RBM26: variants seen among roughly 807,000 people sequenced by gnomAD.
RBM26 encodes the protein RNA-binding protein 26.
Under a neutral mutation model 123.6 loss-of-function variants are expected in RBM26, and 30 were observed. The ratio of observed to expected loss-of-function variants is 0.24; its 90% CI spans 0.18 to 0.33. The LOEUF (loss-of-function observed/expected upper bound fraction) is 0.33, where lower values mean the gene tolerates loss of function less well. RBM26 is among the 10% of genes least tolerant of loss of function. The pLI, the probability that RBM26 is intolerant of heterozygous loss-of-function variation, is 1.00. For missense variants in RBM26, 947 were observed against 1,203.6 expected (o/e 0.79, Z 3.15); for synonymous variants, 400 against 404.4 (o/e 0.99, Z 0.13).
intron 9 of RBM26, among the ~76,000 whole-genome samples, chr13:79,365,300 C>G (rs1035110742): frequency 6.6e-5 from 10 of 152,076 alleles, no homozygotes; most frequent in African/African-American, 2.2e-4. Flanking sequence ...CAAAAACTAG[C>G]TGGGCATGGT....
intron 3 of RBM26, among the ~76,000 whole-genome samples, chr13:79,373,559 TATATATTTATATA>T (rs1566509519): frequency 7.3e-5 from 8 of 108,864 alleles, no homozygotes; most frequent in African/African-American, 3.0e-4. Context: ...TATATTACTA[TATATATTTATATA>T]ATATATTTAT....
At chr13:79,371,809 G>T in intron 4 of RBM26, 33 bp downstream of exon 4, 1 of 1,412,058 alleles carries the variant, frequency 7.1e-7, no homozygotes, top group Non-Finnish European at 1.0e-6. Flanking sequence ...AACTTACATC[G>T]AAACACTGAG....
intron 12 of RBM26, 65 bp from the exon 13 acceptor site, chr13:79,354,635 T>C: frequency 1.4e-6 from 2 of 1,419,296 alleles, no homozygotes; most frequent in Non-Finnish European, 1.9e-6. Context: ...TGACCTGTGT[T>C]ATTTTGTTAC....
chr13:79,334,054 C>T (rs139467471), intron 20 of RBM26, among the ~76,000 whole-genome samples: 23 of 152,188 alleles, frequency 1.5e-4, no homozygotes, highest in South Asian at 6.2e-4. Context: ...AGTGGAGTGG[C>T]CCTATCTACT....
intron 3 of RBM26, among the ~76,000 whole-genome samples, chr13:79,373,614 ATATAT>A (rs2076343725): frequency 1.8e-5 from 2 of 110,044 alleles, no homozygotes; most frequent in South Asian, 5.0e-4. Flanking sequence ...TAGTATATTT[ATATAT>A]TATATATTAC....
intron 9 of RBM26, among the ~76,000 whole-genome samples, chr13:79,359,925 G>A (rs2074477430): frequency 1.3e-5 from 2 of 151,900 alleles, no homozygotes; most frequent in South Asian, 4.2e-4. Context: ...GAAAACTACA[G>A]AAATAGTAAA....
chr13:79,340,161 C>CTT (rs58615322), intron 18 of RBM26, among the ~76,000 whole-genome samples: 1 of 150,682 alleles, frequency 6.6e-6, no homozygotes, highest in Non-Finnish European at 1.5e-5. Flanking sequence ...ATTTTTCAAA[C>CTT]TTTTTTTTTT....
intron 16 of RBM26, 41 bp downstream of exon 16, chr13:79,344,207 T>C (rs745924826): frequency 1.1e-5 from 14 of 1,246,196 alleles, no homozygotes; most frequent in East Asian, 4.6e-5. Flanking sequence ...CTCCAAATTA[T>C]AACATTTGCA....
chr13:79,327,025 G>A (rs2068530981), intron 20 of RBM26, among the ~76,000 whole-genome samples: 1 of 151,928 alleles, frequency 6.6e-6, no homozygotes, highest in South Asian at 2.1e-4. Context: ...CCTGGGCGTA[G>A]TGACAGAAAC....
At chr13:79,384,052 A>G (rs1056194314) in intron 1 of RBM26, among the ~76,000 whole-genome samples, 1 of 152,172 alleles carries the variant, frequency 6.6e-6, no homozygotes, top group Non-Finnish European at 1.5e-5. Context: ...GAAATGGAGC[A>G]AAGTGAGCAT....
intron 1 of RBM26, among the ~76,000 whole-genome samples, chr13:79,385,071 C>T (rs1048985216): frequency 1.3e-5 from 2 of 152,062 alleles, no homozygotes; most frequent in Admixed American, 6.6e-5. Context: ...CTTTAGAACA[C>T]GGATATGCAC....
chr13:79,352,729 C>A (rs150698960), intron 14 of RBM26, among the ~76,000 whole-genome samples: 2 of 152,024 alleles, frequency 1.3e-5, no homozygotes, highest in East Asian at 3.9e-4. Flanking sequence ...CACCATTTTA[C>A]CGATGAGTAA....
At chr13:79,346,772 A>G (rs566782664) in intron 14 of RBM26, among the ~76,000 whole-genome samples, 1 of 152,338 alleles carries the variant, frequency 6.6e-6, no homozygotes, top group East Asian at 1.9e-4. Flanking sequence ...ACAGCACAAA[A>G]TGCCAAACCA....
At chr13:79,368,273 A>T (rs1179796846) in intron 6 of RBM26, among the ~76,000 whole-genome samples, 3 of 152,106 alleles carry the variant, frequency 2.0e-5, no homozygotes, top group East Asian at 3.9e-4. Context: ...TGATCCACCC[A>T]CCTCAACCTC....
intron 11 of RBM26, among the ~76,000 whole-genome samples, chr13:79,356,071 C>T (rs1378525242): frequency 1.3e-5 from 2 of 152,124 alleles, no homozygotes; most frequent in Non-Finnish European, 2.9e-5. Context: ...AAGAGATTAA[C>T]AGTGGCCTGG....
rs555849714 is a variant in RBM26 at position 79,354,280 on chromosome 13, A to G, written c.1986+159T>C. Among the ~76,000 whole-genome samples, 6 of 150,576 alleles carry G rather than the reference A, an allele frequency of 4.0e-5. No homozygotes were observed. The South Asian group carries it at 1.3e-3, about 32-fold the overall frequency. On this transcript the variant is annotated intron_variant, in intron 13 of 21. Transcript: ENST00000438737. ...AGAAAATGTTATGGTAATGGTAAAA[A>G]TTAAAAAAAAAAAAACAACCTTATA...
chr13:79,318,787 C>T, downstream of RBM26: 24 of 983,798 alleles, frequency 2.4e-5, no homozygotes, highest in Non-Finnish European at 2.9e-5. Flanking sequence ...GGAGATTTAA[C>T]TGGCCTTTGA....
At chr13:79,390,749 C>T (rs960495840) in intron 1 of RBM26, among the ~76,000 whole-genome samples, 15 of 152,110 alleles carry the variant, frequency 9.9e-5, no homozygotes, top group Non-Finnish European at 1.6e-4. Context: ...GGGTATGTCA[C>T]TGTAAAATTC....
At chr13:79,330,599 G>A (rs1053070634) in intron 20 of RBM26, among the ~76,000 whole-genome samples, 1 of 151,968 alleles carries the variant, frequency 6.6e-6, no homozygotes, top group Non-Finnish European at 1.5e-5. Context: ...CAATCCTATG[G>A]TTCCTTACGT....
Sources: allele counts gnomAD v4.1 joint callset (sites outside exome capture counted in the v4.1 genomes callset), GRCh38; gene constraint gnomAD v4.1.1; transcripts MANE v1.5; gene names NCBI Gene and HGNC (gene_info 2026-07-23, HGNC 2026-07-21).